The following LIMCH1 variants were observed in gnomAD, a reference collection of about 807,000 sequenced individuals.
The protein encoded by LIMCH1 is LIM and calponin homology domains-containing protein 1.
A neutral mutation model predicts 176.5 loss-of-function variants in LIMCH1; 113 were observed. The ratio of observed to expected loss-of-function variants is 0.64; its 90% CI spans 0.55 to 0.75. The LOEUF (loss-of-function observed/expected upper bound fraction) is 0.75, where lower values mean the gene tolerates loss of function less well. Ranked by LOEUF, LIMCH1 falls within the 30% of genes least tolerant of loss-of-function variation. LIMCH1 has a pLI of 0.00. For missense variants in LIMCH1, 1,674 were observed against 1,814.9 expected (o/e 0.92, Z 1.41); for synonymous variants, 619 against 645.9 (o/e 0.96, Z 0.63).
At chr4:41,494,282 GA>G (rs2071626167) in intron 1 of LIMCH1, among the ~76,000 whole-genome samples, 1 of 146,814 alleles carries the variant, frequency 6.8e-6, no homozygotes, top group African/African-American at 2.5e-5. Context: ...CAAGATTATT[GA>G]AAAAAAATTA....
chr4:41,522,241 T>G (rs1158631480), intron 2 of LIMCH1, among the ~76,000 whole-genome samples: 2 of 152,176 alleles, frequency 1.3e-5, no homozygotes, highest in Non-Finnish European at 2.9e-5. Flanking sequence ...TAGCTCCATA[T>G]GTATGGATGA....
chr4:41,373,758 A>G (rs1279366482), intron 1 of LIMCH1, among the ~76,000 whole-genome samples: 1 of 152,060 alleles, frequency 6.6e-6, no homozygotes, highest in Non-Finnish European at 1.5e-5. Flanking sequence ...GGGGTGTGAT[A>G]TGGTTTGGAT....
chr4:41,411,996 T>C (rs2059537923), intron 1 of LIMCH1, among the ~76,000 whole-genome samples: 2 of 139,104 alleles, frequency 1.4e-5, no homozygotes, highest in Non-Finnish European at 3.1e-5. Context: ...AGGATAGCCC[T>C]GACACAGGTT....
intron 1 of LIMCH1, among the ~76,000 whole-genome samples, chr4:41,417,811 A>T (rs1456517551): frequency 6.6e-6 from 1 of 152,226 alleles, no homozygotes; most frequent in East Asian, 1.9e-4. Flanking sequence ...GTTGTAAGCC[A>T]CTGTGCCCAG....
intron 1 of LIMCH1, among the ~76,000 whole-genome samples, chr4:41,427,433 C>T (rs1310837828): frequency 2.0e-5 from 3 of 152,168 alleles, no homozygotes; most frequent in Non-Finnish European, 4.4e-5. Context: ...TTTGTATGTA[C>T]AGTCTTCGGG....
intron 18 of LIMCH1, among the ~76,000 whole-genome samples, chr4:41,651,855 G>A (rs2094310144): frequency 6.6e-6 from 1 of 152,162 alleles, no homozygotes; most frequent in South Asian, 2.1e-4. Flanking sequence ...TGTTTCTTTG[G>A]AGTAGAAGAC....
chr4:41,531,777 G>A (rs1359870996), intron 3 of LIMCH1, among the ~76,000 whole-genome samples: 3 of 152,106 alleles, frequency 2.0e-5, no homozygotes, highest in African/African-American at 4.8e-5. Context: ...GAAGGGCTTG[G>A]AATAAAAACC....
At chr4:41,578,595 T>A (rs1024512925) in intron 1 of LIMCH1, among the ~76,000 whole-genome samples, 3 of 152,146 alleles carry the variant, frequency 2.0e-5, no homozygotes, top group African/African-American at 7.2e-5. Flanking sequence ...TGGGTAAAAC[T>A]CTTTCTCTGC....
At chr4:41,603,301 G>C (rs1430731237) in intron 2 of LIMCH1, among the ~76,000 whole-genome samples, 1 of 152,142 alleles carries the variant, frequency 6.6e-6, no homozygotes, top group Non-Finnish European at 1.5e-5. Flanking sequence ...GTAAACATGG[G>C]TGCATATTTG....
chr4:41,426,211 C>T (rs924905612), intron 1 of LIMCH1, among the ~76,000 whole-genome samples: 15 of 151,156 alleles, frequency 9.9e-5, no homozygotes, highest in Non-Finnish European at 1.5e-4. Context: ...TTAGTAGAGA[C>T]GGGGTTTCAC....
At chr4:41,584,985 G>C (rs1348704596) in intron 1 of LIMCH1, among the ~76,000 whole-genome samples, 3 of 152,040 alleles carry the variant, frequency 2.0e-5, no homozygotes, top group Non-Finnish European at 4.4e-5. Flanking sequence ...TCCTTCCATG[G>C]TAGAAAGGGC....
intron 1 of LIMCH1, among the ~76,000 whole-genome samples, chr4:41,484,153 G>A (rs1021755207): frequency 2.6e-5 from 4 of 152,194 alleles, no homozygotes; most frequent in Non-Finnish European, 5.9e-5. Flanking sequence ...CTTCAGTTAT[G>A]CAATTTGTGT....
chr4:41,627,460 A>C (rs1452742448), intron 8 of LIMCH1, among the ~76,000 whole-genome samples: 3 of 152,166 alleles, frequency 2.0e-5, no homozygotes, highest in Non-Finnish European at 4.4e-5. Flanking sequence ...TATTAGCTAC[A>C]TTTAGATGTT....
intron 1 of LIMCH1, among the ~76,000 whole-genome samples, chr4:41,539,934 T>G (rs1248152054): frequency 2.6e-5 from 4 of 152,180 alleles, no homozygotes; most frequent in Non-Finnish European, 4.4e-5. Context: ...TAGTAGACAC[T>G]CAATAACAAT....
intron 28 of LIMCH1, among the ~76,000 whole-genome samples, chr4:41,687,080 C>T (rs911641238): frequency 7.9e-5 from 12 of 152,148 alleles, no homozygotes; most frequent in African/African-American, 1.2e-4. Context: ...ATGCTGAAAG[C>T]GGAAGACACA....
rs532000625 is a variant in LIMCH1, at chr4:41,530,742, C to T, written c.237+6264C>T. Among the ~76,000 whole-genome samples, 877 of 132,858 alleles carry T rather than the reference C, an allele frequency of 6.6e-3. 8 individuals are homozygous for T. The highest frequency in any genetic ancestry group is 0.025 in the African/African-American group (827 of 32,486). 87.2% of individuals were successfully genotyped at this position (132,858 alleles called of 152,430 possible). A position where few individuals can be genotyped will look rare whatever the true frequency, so the allele number is the denominator to read the frequency against. ...GAATTGCTTGAACCCAGGCAGTGAG[C>T]CGAGATTGTGCCATTGCACTCCAGC... On this transcript the variant is annotated intron_variant, in intron 3 of 26. Transcript: ENST00000313860.
chr4:41,619,370 G>A lies in LIMCH1; in HGVS notation c.388G>A (p.Ala130Thr), dbSNP rs747380992. 6.2e-7 allele frequency: 1 copy of A among 1,614,056 alleles called. No homozygotes were observed. Among genetic ancestry groups the A allele is most frequent in the Non-Finnish European group, 8.5e-7 (1 of 1,180,036 alleles). The change falls in exon 6 of 32, where the codon GCA becomes ACA. Residue 130 changes from alanine to threonine, a missense_variant. Ala to Thr is a moderately conservative substitution (Grantham distance 58). Around this residue, in one of 3 missense-constraint regions of LIMCH1, gnomAD observed 655 missense variants for 692.2 expected, o/e 0.95. Transcript: ENST00000503057. Reference sequence around the variant, plus strand: ...CCCCGCGCCTCTGAGAAAGAAGAAAGCAGAGAGAGAGGAATACCGCAAGAG... The same window carrying A: ...CCCCGCGCCTCTGAGAAAGAAGAAAACAGAGAGAGAGGAATACCGCAAGAG... The part of the protein sequence containing the change: ...YVPAPLRKKK[A>T]EREEYRKSWS...
rs2093437113 is a variant in LIMCH1, at chr4:41,633,608, G to A, written c.1890G>A (p.Met630Ile). The change falls in exon 13 of 32, where the codon ATG becomes ATA. Residue 630 changes from methionine (M) to isoleucine (I), a missense_variant. Met to Ile is a conservative substitution (Grantham distance 10). This residue lies in a region of LIMCH1 where 1,015 missense variants were observed against 1,102.5 expected (regional missense o/e 0.92). Transcript: ENST00000503057. ...ASGTEEKLEK[M>I]TAPAWSGSGL... is the part of the protein sequence containing the mutation. ...GGACAGAAGAGAAGTTGGAGAAGAT[G>A]ACAGCTCCTGCCTGGAGTGGCAGTG... 2 of 1,536,132 alleles carry A rather than the reference G, an allele frequency of 1.3e-6. No individual in the cohort carries two copies. The highest frequency in any genetic ancestry group is 1.7e-6 in the Non-Finnish European group (2 of 1,146,910).
intron 1 of LIMCH1, among the ~76,000 whole-genome samples, chr4:41,374,721 A>G (rs2054477105): frequency 6.6e-6 from 1 of 152,202 alleles, no homozygotes; most frequent in South Asian, 2.1e-4. Context: ...CAATGATATC[A>G]GTAAGGATCT....
Sources: gnomAD v4.1 joint callset for allele counts (sites outside exome capture counted in the v4.1 genomes callset) on GRCh38, gnomAD v4.1.1 for gene constraint, gnomAD v4.1.1 regional missense constraint, MANE v1.5 for transcripts, NCBI Gene and HGNC (gene_info 2026-07-23, HGNC 2026-07-21) for gene names.